The following CA10 variants were observed in gnomAD, a reference collection of about 807,000 sequenced individuals.
The protein encoded by CA10 is carbonic anhydrase 10 (inactive).
Under a neutral mutation model 44.2 loss-of-function variants are expected in CA10, and 14 were observed. The ratio of observed to expected loss-of-function variants is 0.32; its 90% confidence interval spans 0.21 to 0.50. The LOEUF is 0.50. Among genes scored for constraint, CA10 ranks in the 20% least tolerant of loss-of-function variants. CA10 has a pLI of 0.99. For synonymous variants in CA10, 159 were observed against 141.6 expected, an observed-to-expected ratio of 1.12 and a Z score of -0.87; for missense variants, 350 against 409.7, an observed-to-expected ratio of 0.85 and a Z score of 1.26.
intron 3 of CA10, among the ~76,000 whole-genome samples, chr17:51,758,101 G>A (rs1905125477): frequency 6.6e-6 from 1 of 152,036 alleles, no homozygotes; most frequent in Admixed American, 6.5e-5. Flanking sequence ...TTTTCCCTTA[G>A]TAATGCTAAG....
chr17:51,723,396 G>A (rs566308937), intron 4 of CA10, among the ~76,000 whole-genome samples: 41 of 152,270 alleles, frequency 2.7e-4, no homozygotes, highest in African/African-American at 8.9e-4. Context: ...GATGGATTCC[G>A]TATGAGAAAC....
In CA10 at chr17:52,012,451, G is replaced by A. The variant is rs1243886756; in HGVS notation, c.136+59868C>T. 2.0e-5 allele frequency among the ~76,000 whole-genome samples: 3 copies of A among 152,002 alleles called. No individual in the cohort carries two copies. In the East Asian group the frequency reaches 5.8e-4, roughly 30 times the overall value. On this transcript the variant is annotated intron_variant, in intron 2 of 8. Transcript: ENST00000451037. ...CCTATTATTTGAAATGGTAGAAGCT[G>A]AGTCTAGGTCACATGGTTATGGAAT...
chr17:51,634,131 G>C (rs1036102608), intron 7 of CA10, among the ~76,000 whole-genome samples: 2 of 152,196 alleles, frequency 1.3e-5, no homozygotes, highest in African/African-American at 4.8e-5. Flanking sequence ...GCCATGTTCT[G>C]CCACAGGACT....
At chr17:51,896,347 G>A (rs573141905) in intron 3 of CA10, among the ~76,000 whole-genome samples, 1 of 152,058 alleles carries the variant, frequency 6.6e-6, no homozygotes, top group East Asian at 1.9e-4. Flanking sequence ...GTGGTATTTC[G>A]TTTTCTATGC....
At chr17:51,683,845 C>A (rs1394109699) in intron 4 of CA10, among the ~76,000 whole-genome samples, 3 of 152,084 alleles carry the variant, frequency 2.0e-5, no homozygotes, top group Non-Finnish European at 4.4e-5. Context: ...ATTAATAGGA[C>A]CACCACTCTA....
At chr17:51,830,513 A>G (rs1363665719) in intron 3 of CA10, among the ~76,000 whole-genome samples, 2 of 152,150 alleles carry the variant, frequency 1.3e-5, no homozygotes, top group Admixed American at 6.5e-5. Context: ...TTATTCATGA[A>G]GAGTTTATGA....
rs1372619278 is a variant in CA10, at chr17:51,690,830, T to G, written c.466-37094A>C. On this transcript the variant is annotated intron_variant, in intron 4 of 8. Coordinates refer to ENST00000451037, the MANE Select transcript of CA10 (RefSeq NM_020178.5). ...CTAATACAACATGTAAGTGAGATCTTGTGGTATTTGTGCCTGGCTTATTTC... is the reference window on the plus strand; with the variant it reads ...CTAATACAACATGTAAGTGAGATCTGGTGGTATTTGTGCCTGGCTTATTTC... Among the ~76,000 whole-genome samples, 60 of 152,184 alleles carry G rather than the reference T, an allele frequency of 3.9e-4. 1 individual carries two copies. Among genetic ancestry groups the G allele is most frequent in the Non-Finnish European group, 2.9e-5 (2 of 68,034 alleles).
chr17:51,757,916 G>A (rs1036271973), intron 3 of CA10, among the ~76,000 whole-genome samples: 2 of 152,014 alleles, frequency 1.3e-5, no homozygotes, highest in Non-Finnish European at 2.9e-5. Flanking sequence ...AATATTTGGA[G>A]CTCGTAGGCT....
chr17:51,733,437 C>A (rs182235614), intron 4 of CA10, among the ~76,000 whole-genome samples: 1 of 152,066 alleles, frequency 6.6e-6, no homozygotes, highest in African/African-American at 2.4e-5. Context: ...AAGTGACAAG[C>A]GAGACAGGAT....
chr17:51,829,925 G>A (rs1014819188), intron 3 of CA10, among the ~76,000 whole-genome samples: 12 of 152,136 alleles, frequency 7.9e-5, no homozygotes, highest in Non-Finnish European at 1.3e-4. Context: ...AAGGCCGGGC[G>A]CGGTGGCTCA....
At chr17:51,800,918 A>G (rs1906902963) in intron 3 of CA10, among the ~76,000 whole-genome samples, 1 of 152,178 alleles carries the variant, frequency 6.6e-6, no homozygotes, top group African/African-American at 2.4e-5. Context: ...AGGTGGGCCC[A>G]GAAGAAGTAC....
At chr17:52,152,935 C>T (rs1423811564) in intron 1 of CA10, among the ~76,000 whole-genome samples, 3 of 152,054 alleles carry the variant, frequency 2.0e-5, no homozygotes, top group Non-Finnish European at 4.4e-5. Flanking sequence ...GGTAGAGTCA[C>T]GTTGAAGGAT....
At chr17:51,892,630 G>T (rs549476940) in intron 3 of CA10, among the ~76,000 whole-genome samples, 1 of 152,280 alleles carries the variant, frequency 6.6e-6, no homozygotes, top group South Asian at 2.1e-4. Context: ...CCCAGCCTCC[G>T]TTCCAAATTT....
intron 2 of CA10, among the ~76,000 whole-genome samples, chr17:52,019,329 T>C (rs12950263): frequency 0.33 from 50,171 of 151,996 alleles, 9,992 homozygotes; most frequent in East Asian, 0.73. Context: ...TTTAATGAAA[T>C]ATAGTGTAGC....
At chr17:51,801,785 T>C (rs759703076) in intron 3 of CA10, among the ~76,000 whole-genome samples, 7 of 152,358 alleles carry the variant, frequency 4.6e-5, no homozygotes, top group Middle Eastern at 3.4e-3. Context: ...TGTTTTATGA[T>C]AGGGATCTAA....
At chr17:51,767,947 G>A (rs1378359820) in intron 3 of CA10, among the ~76,000 whole-genome samples, 2 of 152,076 alleles carry the variant, frequency 1.3e-5, no homozygotes, top group East Asian at 1.9e-4. Context: ...CATGGCCTGG[G>A]GGTTGGGGAG....
chr17:51,653,336 T>C (rs1913648648), intron 5 of CA10, among the ~76,000 whole-genome samples: 2 of 152,220 alleles, frequency 1.3e-5, no homozygotes, highest in African/African-American at 4.8e-5. Context: ...TATATCCTTC[T>C]GATTTCACTG....
At chr17:51,878,467 A>G (rs113338036) in intron 3 of CA10, among the ~76,000 whole-genome samples, 2,267 of 152,194 alleles carry the variant, frequency 0.015, 56 homozygotes, top group Middle Eastern at 0.048. Flanking sequence ...TGGCAGAATC[A>G]CAATCTGTCA....
At chr17:51,695,643 G>A (rs1349120803) in intron 4 of CA10, among the ~76,000 whole-genome samples, 1 of 151,996 alleles carries the variant, frequency 6.6e-6, no homozygotes, top group Admixed American at 6.6e-5. Flanking sequence ...TTTCCTATTT[G>A]GATGCCTTTT....
Sources: gnomAD v4.1 joint callset for allele counts (sites outside exome capture counted in the v4.1 genomes callset) on GRCh38, gnomAD v4.1.1 for gene constraint, MANE v1.5 for transcripts, NCBI Gene and HGNC (gene_info 2026-07-23, HGNC 2026-07-21) for gene names.